STX8: variants seen among roughly 807,000 people sequenced by gnomAD.
The protein encoded by STX8 is syntaxin-8.
A neutral mutation model predicts 37.5 loss-of-function variants in STX8; 23 were observed. The observed-to-expected ratio is 0.61, with a 90% CI of 0.44 to 0.87. The LOEUF (loss-of-function observed/expected upper bound fraction) is 0.87. STX8 is among the 40% of genes least tolerant of loss of function. The probability of loss-of-function intolerance (pLI) is 0.00; values close to 1 mark genes in which losing one functional copy is unlikely to be tolerated. For missense variants in STX8, 313 were observed against 284.7 expected (o/e 1.10, Z -0.71); for synonymous variants, 115 against 99.1 (o/e 1.16, Z -0.95).
intron 6 of STX8, among the ~76,000 whole-genome samples, chr17:9,430,238 A>C (rs901455582): frequency 7.3e-6 from 1 of 136,810 alleles, no homozygotes; most frequent in Non-Finnish European, 1.5e-5. Flanking sequence ...ATTATATATA[A>C]AACAATTTGC....
chr17:9,510,415 T>C (rs1904986860), intron 4 of STX8, among the ~76,000 whole-genome samples: 1 of 152,114 alleles, frequency 6.6e-6, no homozygotes. Context: ...GAAATTGAAA[T>C]CATACCAAGT....
chr17:9,302,312 G>C (rs1908817439), intron 7 of STX8, among the ~76,000 whole-genome samples: 1 of 151,324 alleles, frequency 6.6e-6, no homozygotes, highest in Admixed American at 6.6e-5. Flanking sequence ...CAAAATACTT[G>C]GCAGACATTT....
At chr17:9,414,037 TCTATCTGC>T (rs1913073860) in intron 6 of STX8, among the ~76,000 whole-genome samples, 51 of 131,208 alleles carry the variant, frequency 3.9e-4, no homozygotes, top group African/African-American at 4.3e-4. Flanking sequence ...CATCCAACCA[TCTATCTGC>T]CCGTCCGTCT....
chr17:9,352,250 T>G (rs1005018826), intron 7 of STX8, among the ~76,000 whole-genome samples: 1 of 151,962 alleles, frequency 6.6e-6, no homozygotes, highest in African/African-American at 2.4e-5. Flanking sequence ...TTTTTTCAAG[T>G]GTCTTTCCTC....
At chr17:9,331,941 G>C (rs1421095897) in intron 7 of STX8, among the ~76,000 whole-genome samples, 1 of 152,182 alleles carries the variant, frequency 6.6e-6, no homozygotes, top group Non-Finnish European at 1.5e-5. Context: ...CGGATCTGTA[G>C]AATACATTAA....
chr17:9,534,112 C>T (rs544244012), intron 4 of STX8, among the ~76,000 whole-genome samples: 13 of 151,952 alleles, frequency 8.6e-5, no homozygotes, highest in African/African-American at 3.1e-4. Context: ...TAAAAAAATG[C>T]TAAAAGCTAT....
At chr17:9,504,531 A>T (rs369544814) in intron 5 of STX8, among the ~76,000 whole-genome samples, 10 of 152,264 alleles carry the variant, frequency 6.6e-5, no homozygotes, top group Admixed American at 6.5e-4. Context: ...CTCTTGCCCA[A>T]TGGAAAATCA....
At chr17:9,486,590 C>A (rs968156631) in intron 6 of STX8, among the ~76,000 whole-genome samples, 2 of 152,130 alleles carry the variant, frequency 1.3e-5, no homozygotes, top group African/African-American at 4.8e-5. Flanking sequence ...GTGGCTCAAG[C>A]CTGTAGTCCC....
chr17:9,561,396 C>T (rs76957399), intron 2 of STX8, among the ~76,000 whole-genome samples: 8,989 of 152,104 alleles, frequency 0.059, 402 homozygotes, highest in African/African-American at 0.13. Flanking sequence ...CGGTGGGTCA[C>T]GCTTGTAATC....
At chr17:9,494,141 G>C (rs1201546306) in intron 5 of STX8, among the ~76,000 whole-genome samples, 2 of 151,328 alleles carry the variant, frequency 1.3e-5, no homozygotes, top group African/African-American at 4.8e-5. Flanking sequence ...TCAGCCTCCC[G>C]AGTAGCTGGG....
chr17:9,377,165 A>G (rs912178807), intron 7 of STX8, among the ~76,000 whole-genome samples: 29 of 152,288 alleles, frequency 1.9e-4, no homozygotes, highest in African/African-American at 6.7e-4. Context: ...GAAGCTGCAC[A>G]TCTCAGGGAC....
chr17:9,295,817 G>C (rs1908503670), intron 7 of STX8, among the ~76,000 whole-genome samples: 1 of 123,230 alleles, frequency 8.1e-6, no homozygotes, highest in Non-Finnish European at 2.0e-5. Flanking sequence ...GGCCAAGACA[G>C]GTGGATCACC....
At chr17:9,558,094 C>T (rs963821252) in intron 2 of STX8, among the ~76,000 whole-genome samples, 1 of 152,100 alleles carries the variant, frequency 6.6e-6, no homozygotes, top group African/African-American at 2.4e-5. Flanking sequence ...CAGGAGGGTG[C>T]GCATTTTCTC....
chr17:9,336,580 C>T (rs1360118249), intron 7 of STX8, among the ~76,000 whole-genome samples: 8 of 152,124 alleles, frequency 5.3e-5, no homozygotes, highest in Non-Finnish European at 7.4e-5. Flanking sequence ...GGACTGCAGG[C>T]GCCCGCCAAC....
chr17:9,429,368 T>C (rs1180113191), intron 6 of STX8, among the ~76,000 whole-genome samples: 1 of 145,458 alleles, frequency 6.9e-6, no homozygotes, highest in African/African-American at 2.5e-5. Flanking sequence ...ATAATAAATA[T>C]TTATATATAA....
At chr17:9,396,547 T>C (rs1015108905) in intron 6 of STX8, among the ~76,000 whole-genome samples, 6 of 151,702 alleles carry the variant, frequency 4.0e-5, no homozygotes, top group African/African-American at 1.2e-4. Context: ...CCCGTCTCTA[T>C]TAAAAATACA....
chr17:9,395,901 A>G (rs1000677356), intron 6 of STX8, among the ~76,000 whole-genome samples: 3 of 152,246 alleles, frequency 2.0e-5, no homozygotes, highest in Non-Finnish European at 2.9e-5. Flanking sequence ...TCATCAGCAT[A>G]AAAACAAAAC....
chr17:9,552,848 G>T (rs1906824142), intron 3 of STX8: 1 of 151,852 alleles, frequency 6.6e-6, no homozygotes, highest in South Asian at 2.1e-4. Flanking sequence ...TAGAGACGGG[G>T]TTTCACCATG....
chr17:9,566,196 G>A lies in STX8; in HGVS notation c.117+2175C>T, dbSNP rs1343809475. Among the ~76,000 whole-genome samples, 4 of 152,070 alleles carry A rather than the reference G, an allele frequency of 2.6e-5. No individual in the cohort carries two copies. The East Asian group carries it at 7.7e-4, about 29-fold the overall frequency. On this transcript the variant is annotated intron_variant, in intron 2 of 7. Coordinates refer to ENST00000306357, the MANE Select transcript of STX8 (RefSeq NM_004853.3). ...GACAGGCATGCTGCCAAAAAAAACA[G>A]GAAAAAAAGCTCAACATCACTGATC... is the stretch of plus-strand genomic sequence containing the variant.
Sources: gnomAD v4.1 joint callset for allele counts (sites outside exome capture counted in the v4.1 genomes callset) on GRCh38, gnomAD v4.1.1 for gene constraint, MANE v1.5 for transcripts, NCBI Gene and HGNC (gene_info 2026-07-23, HGNC 2026-07-21) for gene names.